Variants in DMD observed in about 807,000 individuals in gnomAD.
DMD encodes dystrophin.
In DMD, 63 loss-of-function variants were observed where a neutral mutation model predicts 330.1. That is an observed-to-expected ratio of 0.19 (90% CI 0.16 to 0.24). The LOEUF (loss-of-function observed/expected upper bound fraction) is 0.24. Ranked by LOEUF, DMD falls within the 10% of genes least tolerant of loss-of-function variation. The probability of loss-of-function intolerance (pLI) is 1.00; values close to 1 mark genes in which losing one functional copy is unlikely to be tolerated. For synonymous variants in DMD, 1,223 were observed against 959.8 expected (o/e 1.27, Z -5.07); for missense variants, 3,344 against 2,684.1 (o/e 1.25, Z -5.43).
At chrX:31,586,801 C>T (rs1603407132) in intron 55 of DMD, among the ~76,000 whole-genome samples, 1 of 111,985 alleles carries the variant, frequency 8.9e-6, no homozygotes, top group African/African-American at 3.2e-5. Context: ...GGGAACAAGA[C>T]ATCAAAAACA....
intron 51 of DMD, among the ~76,000 whole-genome samples, chrX:31,740,172 A>C (rs2087208583): frequency 8.9e-6 from 1 of 112,216 alleles, no homozygotes; most frequent in Admixed American, 9.4e-5. Context: ...CAATTTGTTG[A>C]TAATGATTTG....
intron 53 of DMD, among the ~76,000 whole-genome samples, chrX:31,675,873 AG>A (rs2082049845): frequency 8.9e-6 from 1 of 112,749 alleles, no homozygotes. Context: ...AAATATATGT[AG>A]ATAAGAACTA....
intron 41 of DMD, among the ~76,000 whole-genome samples, chrX:32,323,748 TGAA>T (rs753774396): frequency 4.0e-3 from 443 of 111,136 alleles, no homozygotes; most frequent in Non-Finnish European, 5.8e-3. Context: ...TAGAGTGCAG[TGAA>T]GAAGATGATG....
chrX:31,403,332 T>G (rs2061274727), intron 60 of DMD, among the ~76,000 whole-genome samples: 1 of 111,865 alleles, frequency 8.9e-6, no homozygotes, highest in Admixed American at 9.5e-5. Context: ...CTGGATCTGT[T>G]TCTAGACTAT....
At chrX:31,125,793 G>A (rs749794261) in intron 78 of DMD, among the ~76,000 whole-genome samples, 7 of 111,901 alleles carry the variant, frequency 6.3e-5, no homozygotes, top group Middle Eastern at 4.6e-3. Context: ...CCCATAAATA[G>A]GCATTTTAAA....
intron 9 of DMD, among the ~76,000 whole-genome samples, chrX:32,686,893 C>A (rs924333891): frequency 5.7e-4 from 63 of 111,025 alleles, no homozygotes; most frequent in African/African-American, 2.0e-3. Flanking sequence ...TCATGTTTAA[C>A]AAAATTCAGG....
intron 42 of DMD, among the ~76,000 whole-genome samples, chrX:32,299,612 C>G (rs2097513511): frequency 9.1e-6 from 1 of 109,818 alleles, no homozygotes; most frequent in Non-Finnish European, 1.9e-5. Flanking sequence ...AGAGCAGAAA[C>G]TCTGGAGCTT....
chrX:31,426,081 T>C (rs2063699411), intron 60 of DMD, among the ~76,000 whole-genome samples: 1 of 111,746 alleles, frequency 8.9e-6, no homozygotes, highest in Non-Finnish European at 1.9e-5. Flanking sequence ...CCCCAGGGGA[T>C]TCTGATGCAT....
chrX:32,759,931 G>A (rs977228979), intron 7 of DMD, among the ~76,000 whole-genome samples: 9 of 109,315 alleles, frequency 8.2e-5, no homozygotes, highest in Non-Finnish European at 1.7e-4. Flanking sequence ...TCAGAAAGTA[G>A]TCCCTCAGGA....
At chrX:32,966,330 A>G (rs1228284777) in intron 2 of DMD, among the ~76,000 whole-genome samples, 8 of 111,709 alleles carry the variant, frequency 7.2e-5, no homozygotes, top group Non-Finnish European at 5.6e-5. Context: ...GCAGATACAG[A>G]CAGGATAAAC....
At chrX:33,113,866 C>T (rs532995994) in intron 1 of DMD, among the ~76,000 whole-genome samples, 9 of 109,898 alleles carry the variant, frequency 8.2e-5, no homozygotes, top group South Asian at 3.8e-4. Flanking sequence ...TTAGATGTTT[C>T]GAAATGGATA....
At chrX:32,027,164 G>GCA (rs757441503) in intron 44 of DMD, among the ~76,000 whole-genome samples, 265 of 89,157 alleles carry the variant, frequency 3.0e-3, no homozygotes, top group Middle Eastern at 5.6e-3. Flanking sequence ...ACACGCACGT[G>GCA]CACACACACA....
At chrX:31,936,760 TTACTCTTTCA>T (rs1335567911) in intron 45 of DMD, among the ~76,000 whole-genome samples, 1 of 111,757 alleles carries the variant, frequency 8.9e-6, no homozygotes, top group Non-Finnish European at 1.9e-5. Context: ...TCTTGATCCT[TTACTCTTTCA>T]TTTGTTAAAA....
chrX:32,191,442 T>C (rs1391752734), intron 44 of DMD, among the ~76,000 whole-genome samples: 3 of 112,119 alleles, frequency 2.7e-5, no homozygotes, highest in Non-Finnish European at 5.6e-5. Flanking sequence ...TGTTTATTCA[T>C]TACATGAAGG....
chrX:32,255,568 C>A (rs1002369095), intron 43 of DMD, among the ~76,000 whole-genome samples: 34 of 111,859 alleles, frequency 3.0e-4, no homozygotes, highest in Admixed American at 7.6e-4. Context: ...ATTGCAGTAG[C>A]AATTCCTTGG....
intron 1 of DMD, among the ~76,000 whole-genome samples, chrX:33,223,056 T>C (rs2052212976): frequency 8.9e-6 from 1 of 111,932 alleles, no homozygotes; most frequent in Non-Finnish European, 1.9e-5. Context: ...ACACCTGTAA[T>C]CCCAGCACTT....
At chrX:31,875,117 A>C (rs1185241811) in intron 48 of DMD, 71 bp downstream of exon 48, 2 of 922,707 alleles carry the variant, frequency 2.2e-6, no homozygotes, top group Admixed American at 5.9e-5. Flanking sequence ...ATGATACCAA[A>C]TGAGAAAATT....
At chrX:32,901,997 T>G (rs1273387939) in intron 2 of DMD, among the ~76,000 whole-genome samples, 1 of 110,592 alleles carries the variant, frequency 9.0e-6, no homozygotes, top group Non-Finnish European at 1.9e-5. Flanking sequence ...AAACATATGC[T>G]ATTACATTTT....
chrX:31,683,740 C>A (rs756888480), intron 52 of DMD, among the ~76,000 whole-genome samples: 1 of 111,830 alleles, frequency 8.9e-6, no homozygotes, highest in Non-Finnish European at 1.9e-5. Context: ...AGAAAGTGTA[C>A]TTTTATAGAA....
Sources: allele counts gnomAD v4.1 joint callset (sites outside exome capture counted in the v4.1 genomes callset), GRCh38; gene constraint gnomAD v4.1.1; transcripts MANE v1.5; gene names NCBI Gene and HGNC (gene_info 2026-07-23, HGNC 2026-07-21).